Variants in TMEM63B observed in about 807,000 individuals in gnomAD.
TMEM63B encodes the protein transmembrane protein 63B, also known as mechanosensitive cation channel TMEM63B.
TMEM63B carries 23 observed loss-of-function variants against 102.6 expected under a neutral mutation model. That is an observed-to-expected ratio of 0.22 (90% confidence interval 0.16 to 0.32). The LOEUF (loss-of-function observed/expected upper bound fraction) is 0.32, where lower values mean the gene tolerates loss of function less well. TMEM63B is among the 10% of genes least tolerant of loss of function. The pLI is 1.00. For synonymous variants in TMEM63B, 444 were observed against 437.0 expected (o/e 1.02, Z -0.20); for missense variants, 628 against 1,095.9 (o/e 0.57, Z 6.03).
intron 1 of TMEM63B, among the ~76,000 whole-genome samples, chr6:44,130,550 G>A (rs6922473): frequency 0.33 from 49,155 of 147,100 alleles, 8,778 homozygotes; most frequent in East Asian, 0.52. Context: ...GGTGATCTTC[G>A]CACCTCAGCT....
At chr6:44,132,094 A>T (rs955333953) in intron 1 of TMEM63B, among the ~76,000 whole-genome samples, 6 of 152,234 alleles carry the variant, frequency 3.9e-5, no homozygotes, top group African/African-American at 1.4e-4. Context: ...CAGAGCTGCC[A>T]GCCCAGGCTC....
chr6:44,147,055 G>C lies in TMEM63B; in HGVS notation c.863+128G>C. 2.8e-6 allele frequency: 3 copies of C among 1,059,984 alleles called. No homozygotes were observed. In the Admixed American group the frequency reaches 5.9e-5, roughly 21 times the overall value. The allele number at this position is 1,059,984 out of a possible 1,614,324, so 65.7% of individuals were successfully genotyped here. On this transcript the variant is annotated intron_variant, in intron 11 of 23. Coordinates refer to ENST00000323267, the MANE Select transcript of TMEM63B (RefSeq NM_018426.3). ...GCATTTGATTTTAATTCAACTCGTT[G>C]GTGTGCCTGTTAATTCAGCTCTGGA...
At position 44,152,444 on chromosome 6, in the gene TMEM63B, GCCCTA is replaced by G; in HGVS notation, c.1837-138_1837-134del. The stretch of plus-strand genomic sequence containing the variant: ...CATAGCCCCTCTCTCCATCTGCTCT[GCCCTA>G]CCCTACCCTAGACATTAGGTCCTGT... On this transcript the variant is annotated intron_variant, in intron 19 of 23. Coordinates refer to ENST00000323267, the MANE Select transcript of TMEM63B (RefSeq NM_018426.3). The surrounding 1 kb of genome is among the most constrained non-coding windows in gnomAD (Gnocchi z 6.4). 1.5e-6 allele frequency: 1 copy of G among 648,680 alleles called. No individual in the cohort carries two copies. The allele number at this position is 648,680 out of a possible 1,614,324, so 40.2% of individuals were successfully genotyped here. A position where few individuals can be genotyped will look rare whatever the true frequency, so the allele number is the denominator to read the frequency against.
chr6:44,126,944 A>G (rs1013961174), upstream of TMEM63B: 1 of 152,246 alleles, frequency 6.6e-6, no homozygotes, highest in African/African-American at 2.4e-5. Flanking sequence ...ACTCATCTCC[A>G]GACCTAAGTT....
chr6:44,147,017 A>AT, intron 11 of TMEM63B, 90 bp downstream of exon 11: 7 of 1,407,062 alleles, frequency 5.0e-6, no homozygotes, highest in Non-Finnish European at 3.0e-6. Flanking sequence ...CCCCTTCTAG[A>AT]TTTTTTCCTA....
At chr6:44,133,630 T>G (rs1487769904) in intron 1 of TMEM63B, among the ~76,000 whole-genome samples, 1 of 152,228 alleles carries the variant, frequency 6.6e-6, no homozygotes, top group African/African-American at 2.4e-5. Context: ...GCACTCAGGC[T>G]GGCTGTCCCT....
At chr6:44,142,779 C>T (rs1259354171) in intron 10 of TMEM63B, among the ~76,000 whole-genome samples, 1 of 151,472 alleles carries the variant, frequency 6.6e-6, no homozygotes, top group Non-Finnish European at 1.5e-5. Flanking sequence ...CTGTAATCCC[C>T]TTGAGAAGAT....
At chr6:44,134,859 G>A in intron 2 of TMEM63B, 116 bp downstream of exon 2, 2 of 1,504,384 alleles carry the variant, frequency 1.3e-6, no homozygotes, top group East Asian at 2.3e-5. Flanking sequence ...TAAGCAGGAG[G>A]AGTCCCCATC....
At chr6:44,135,735 C>G (rs1265062904) in intron 4 of TMEM63B, among the ~76,000 whole-genome samples, 1 of 152,192 alleles carries the variant, frequency 6.6e-6, no homozygotes, top group Non-Finnish European at 1.5e-5. Flanking sequence ...ACAGCTAGTT[C>G]TTCATATTCC....
upstream of TMEM63B, chr6:44,126,953 T>G (rs376456280): frequency 4.4e-4 from 67 of 152,144 alleles, no homozygotes; most frequent in African/African-American, 1.1e-3. Context: ...CAGACCTAAG[T>G]TGGGAAAGGG....
chr6:44,127,350 C>G (rs1021706744), upstream of TMEM63B: 1 of 152,458 alleles, frequency 6.6e-6, no homozygotes, highest in Non-Finnish European at 1.5e-5. Context: ...ATACCGCTCT[C>G]GCCGCCCGGG....
At chr6:44,145,447 C>A (rs748767443) in intron 10 of TMEM63B, among the ~76,000 whole-genome samples, 7 of 151,024 alleles carry the variant, frequency 4.6e-5, no homozygotes, top group Non-Finnish European at 2.9e-5. Flanking sequence ...AAAAAATTAG[C>A]CGGGTGTGGT....
intron 10 of TMEM63B, among the ~76,000 whole-genome samples, chr6:44,146,449 G>GTTTTTTTTTTTT (rs1241550126): frequency 1.3e-5 from 2 of 150,212 alleles, no homozygotes; most frequent in Non-Finnish European, 1.5e-5. Context: ...GGAGATGTGG[G>GTTTTTTTTTTTT]TTTTTTTGTC....
chr6:44,152,784 G>C lies in TMEM63B; in HGVS notation c.1942+86G>C. The C allele has an allele frequency of 8.6e-7, 1 of 1,157,336 alleles. No individual in the cohort carries two copies. The highest frequency in any genetic ancestry group is 1.3e-6 in the Non-Finnish European group (1 of 795,116). 71.7% of individuals were successfully genotyped at this position (1,157,336 alleles called of 1,614,324 possible). On this transcript the variant is annotated intron_variant, in intron 20 of 23. Coordinates refer to ENST00000323267, the MANE Select transcript of TMEM63B (RefSeq NM_018426.3). This position sits in a 1 kb window ranked among gnomAD's most constrained non-coding sequence, Gnocchi z 6.4. ...CCACTCTAGGAATGCAGGCCACCCC[G>C]AGTGGACAGGGCCCGGCTGGGAGAC...
intron 15 of TMEM63B, chr6:44,149,216 T>G: frequency 3.8e-6 from 2 of 531,064 alleles, no homozygotes; most frequent in South Asian, 2.1e-5. Context: ...GAAGTCCCCT[T>G]CCCTCACCCC....
chr6:44,154,211 G>A (rs373499475), intron 22 of TMEM63B, 23 bp downstream of exon 22: 11 of 1,608,832 alleles, frequency 6.8e-6, no homozygotes, highest in South Asian at 3.3e-5. Context: ...GGTGGCAGGC[G>A]GATGGCTGCG....
Position 44,152,569 on chromosome 6 carries a change from T to A in TMEM63B, c.1837-24T>A. On this transcript the variant is annotated intron_variant, in intron 19 of 23. Transcript: ENST00000323267. This position sits in a 1 kb window ranked among gnomAD's most constrained non-coding sequence, Gnocchi z 6.4. ...GGTCAGTCCCTGCCTCCCTGAGCCA[T>A]CCTCCTGCCCGTCTCCCCCCCAGCA... is the stretch of plus-strand genomic sequence containing the variant. The A allele has an allele frequency of 6.4e-7, 1 of 1,558,218 alleles. No individual in the cohort carries two copies. The highest frequency in any genetic ancestry group is 1.4e-5 in the African/African-American group (1 of 73,550).
In TMEM63B at chr6:44,152,006, C is replaced by T. The variant is rs760082768; in HGVS notation, c.1834C>T (p.Arg612Trp). The T allele has an allele frequency of 6.2e-7, 1 of 1,602,444 alleles. No homozygotes were observed. The highest frequency in any genetic ancestry group is 8.5e-7 in the Non-Finnish European group (1 of 1,175,276). Residue 612 changes from arginine to tryptophan, a missense_variant and splice_region_variant, in exon 19 of 24, where the codon CGG (arginine) becomes TGG (tryptophan). Physicochemically the swap from Arg to Trp is moderately radical, Grantham distance 101 (BLOSUM62 -3). Transcript: ENST00000323267. This position sits in a 1 kb window ranked among gnomAD's most constrained non-coding sequence, Gnocchi z 6.4. ...GGCCGCCGAGAGGCGCAACGTGAAG[C>T]GGGTACGGCCGCCTGGGGCAGCAGC... ...RSAAERRNVKRHQAYEFQFGA... is the reference protein window; with the variant it reads ...RSAAERRNVKWHQAYEFQFGA...
At chr6:44,147,586 C>A in intron 12 of TMEM63B, 86 bp downstream of exon 12, 1 of 1,537,690 alleles carries the variant, frequency 6.5e-7, no homozygotes. Context: ...AGTGAGTCCC[C>A]ACCTGTCCCT....
Sources: allele counts gnomAD v4.1 joint callset (sites outside exome capture counted in the v4.1 genomes callset), GRCh38; gene constraint gnomAD v4.1.1; non-coding constraint Gnocchi (gnomAD v3.1); transcripts MANE v1.5; gene names NCBI Gene and HGNC (gene_info 2026-07-23, HGNC 2026-07-21).